The following CEPT1 variants were observed in gnomAD, a reference collection of about 807,000 sequenced individuals.
The protein encoded by CEPT1 is choline/ethanolaminephosphotransferase 1.
CEPT1 carries 7 observed loss-of-function variants against 42.6 expected under a neutral mutation model. The observed-to-expected ratio is 0.16, with a 90% CI of 0.09 to 0.31. The LOEUF is 0.31. Among genes scored for constraint, CEPT1 ranks in the 10% least tolerant of loss-of-function variants. The pLI is 1.00. For missense variants in CEPT1, 306 were observed against 502.1 expected (o/e 0.61, Z 3.73); for synonymous variants, 171 against 171.9 (o/e 0.99, Z 0.04).
At position 111,141,921 on chromosome 1, in the gene CEPT1, G is replaced by A. The variant is rs112529714; in HGVS notation, c.-74+1614G>A. Among the ~76,000 whole-genome samples the A allele has an allele frequency of 3.7e-4, 57 of 152,192 alleles. 2 individuals carry two copies. Among genetic ancestry groups the A allele is most frequent in the African/African-American group, 1.3e-3 (55 of 41,522 alleles). On this transcript the variant is annotated intron_variant, in intron 1 of 8. Transcript: ENST00000357172. ...GTAGCCAATTACCTGTGAAAAGACT[G>A]TAAACATACTGCTGAATCAGTGCAG...
intron 4 of CEPT1, chr1:111,173,356 A>G (rs913594467): frequency 2.6e-5 from 4 of 152,160 alleles, no homozygotes; most frequent in Non-Finnish European, 5.9e-5. Context: ...CAGCTAAATA[A>G]GCTTCTGTTT....
At chr1:111,154,196 T>A (rs1655436431) in intron 2 of CEPT1, among the ~76,000 whole-genome samples, 14 of 25,968 alleles carry the variant, frequency 5.4e-4, no homozygotes, top group Non-Finnish European at 9.6e-4. Flanking sequence ...AGTATTTTAT[T>A]TTATTTTATT....
At chr1:111,160,238 A>G (rs1655798149) in intron 3 of CEPT1, 1 of 152,188 alleles carries the variant, frequency 6.6e-6, no homozygotes, top group South Asian at 2.1e-4. Context: ...GTAGTTTATT[A>G]TGTTTTTAGA....
At chr1:111,153,289 A>G (rs971059368) in intron 2 of CEPT1, among the ~76,000 whole-genome samples, 4 of 151,384 alleles carry the variant, frequency 2.6e-5, no homozygotes, top group African/African-American at 9.7e-5. Flanking sequence ...GCACACTGCA[A>G]CCTCCGCCTC....
intron 1 of CEPT1, among the ~76,000 whole-genome samples, chr1:111,144,107 C>G (rs1557918524): frequency 2.0e-5 from 3 of 152,176 alleles, no homozygotes; most frequent in Admixed American, 6.5e-5. Flanking sequence ...GCCACATTGT[C>G]CTGATCTTCC....
chr1:111,182,554 T>TA, intron 6 of CEPT1: 1 of 574,628 alleles, frequency 1.7e-6, no homozygotes. Context: ...ACATGTTTTT[T>TA]AAAGTATGAG....
chr1:111,160,906 AG>A, intron 3 of CEPT1: 1 of 501,754 alleles, frequency 2.0e-6, no homozygotes, highest in Non-Finnish European at 3.5e-6. Flanking sequence ...GAAATGTTGA[AG>A]TATTTTAGTT....
intron 2 of CEPT1, among the ~76,000 whole-genome samples, chr1:111,150,494 G>A (rs1435154139): frequency 1.3e-5 from 2 of 152,044 alleles, no homozygotes; most frequent in Non-Finnish European, 2.9e-5. Context: ...TCATGTTGGA[G>A]TCAGAGAATT....
At chr1:111,159,338 T>C in intron 2 of CEPT1, 42 bp from the exon 3 acceptor site, 1 of 1,577,924 alleles carries the variant, frequency 6.3e-7, no homozygotes. Context: ...ACATGGTAAC[T>C]GTGTGTCTGA....
intron 4 of CEPT1, among the ~76,000 whole-genome samples, chr1:111,162,781 A>G (rs1414006196): frequency 1.3e-5 from 2 of 152,334 alleles, no homozygotes; most frequent in East Asian, 1.9e-4. Context: ...ATTTCTGTGT[A>G]ATGGTGAGAC....
At chr1:111,182,119 A>G in intron 5 of CEPT1, 68 bp from the exon 6 acceptor site, 2 of 1,284,850 alleles carry the variant, frequency 1.6e-6, no homozygotes, top group Non-Finnish European at 2.1e-6. Context: ...ATATGAATCA[A>G]ATATTAGACT....
At chr1:111,175,709 G>A (rs115340477) in intron 5 of CEPT1, among the ~76,000 whole-genome samples, 1,696 of 152,258 alleles carry the variant, frequency 0.011, 38 homozygotes, top group African/African-American at 0.039. Flanking sequence ...ATTGTGTAAA[G>A]CACTTAGAAT....
intron 2 of CEPT1, among the ~76,000 whole-genome samples, chr1:111,158,540 A>C (rs1046388653): frequency 6.6e-6 from 1 of 152,208 alleles, no homozygotes; most frequent in Non-Finnish European, 1.5e-5. Flanking sequence ...AAAATGTTAC[A>C]AACTCAAATA....
At chr1:111,139,565 T>G (rs1654088758), upstream of CEPT1, 1 of 152,280 alleles carries the variant, frequency 6.6e-6, no homozygotes, top group Non-Finnish European at 1.5e-5. Flanking sequence ...GGTTGAAGAT[T>G]CTTGGTAACT....
rs189516109 is a variant in CEPT1 at position 111,184,561 on chromosome 1, A to G, written c.*251A>G. On this transcript the variant is annotated 3_prime_UTR_variant, in exon 9 of 9. Transcript: ENST00000357172. ...AGCATGCAGAAAAAAATGCCATGTG[A>G]TTGTAATTATCCTGGATTCAGAATA... The G allele has an allele frequency of 9.0e-4, 283 of 312,818 alleles. No homozygotes were observed. Among genetic ancestry groups the G allele is most frequent in the African/African-American group, 5.6e-3 (257 of 46,142 alleles). The allele number at this position is 312,818 out of a possible 1,614,324, so 19.4% of individuals were successfully genotyped here. A position where few individuals can be genotyped will look rare whatever the true frequency, so the allele number is the denominator to read the frequency against.
intron 2 of CEPT1, among the ~76,000 whole-genome samples, chr1:111,155,268 AGTT>A (rs560018841): frequency 6.6e-6 from 1 of 152,120 alleles, no homozygotes; most frequent in Non-Finnish European, 1.5e-5. Context: ...GTTGGCATAT[AGTT>A]GTTCATGACA....
intron 4 of CEPT1, among the ~76,000 whole-genome samples, chr1:111,170,529 G>A (rs1182711408): frequency 6.6e-6 from 1 of 152,132 alleles, no homozygotes; most frequent in Non-Finnish European, 1.5e-5. Flanking sequence ...AGATTACCAT[G>A]TCCAGTTTGT....
chr1:111,173,599 T>A (rs1193658692), intron 4 of CEPT1, among the ~76,000 whole-genome samples: 5 of 152,202 alleles, frequency 3.3e-5, no homozygotes. Flanking sequence ...TTATTCACTT[T>A]GTTGAAAAAC....
At chr1:111,144,611 A>G (rs1056445129) in intron 1 of CEPT1, among the ~76,000 whole-genome samples, 2 of 152,252 alleles carry the variant, frequency 1.3e-5, no homozygotes, top group African/African-American at 4.8e-5. Flanking sequence ...CTCAGACTTA[A>G]AACCATTAGG....
Sources: gnomAD v4.1 joint callset for allele counts (sites outside exome capture counted in the v4.1 genomes callset) on GRCh38, gnomAD v4.1.1 for gene constraint, MANE v1.5 for transcripts, NCBI Gene and HGNC (gene_info 2026-07-23, HGNC 2026-07-21) for gene names.